Variants in ANO1 observed in about 807,000 individuals in gnomAD.
ANO1 encodes anoctamin 1.
In ANO1, 59 loss-of-function variants were observed where a neutral mutation model predicts 124.0. The ratio of observed to expected loss-of-function variants is 0.48; its 90% CI spans 0.39 to 0.59. The LOEUF (loss-of-function observed/expected upper bound fraction) is 0.59, where lower values mean the gene tolerates loss of function less well. Among genes scored for constraint, ANO1 ranks in the 20% least tolerant of loss-of-function variants. The probability of loss-of-function intolerance (pLI) is 0.00; values close to 1 mark genes in which losing one functional copy is unlikely to be tolerated. For synonymous variants in ANO1, 529 were observed against 532.0 expected, an observed-to-expected ratio of 0.99 and a Z score of 0.08; for missense variants, 1,059 against 1,328.0, an observed-to-expected ratio of 0.80 and a Z score of 3.15.
intron 16 of ANO1, 111 bp downstream of exon 16, chr11:70,157,132 C>G: frequency 1.1e-6 from 1 of 936,572 alleles, no homozygotes; most frequent in Non-Finnish European, 1.6e-6. Context: ...TTTGGGAGGC[C>G]GAGGCGGGCA....
chr11:70,157,329 T>G (rs2047855903), intron 16 of ANO1, among the ~76,000 whole-genome samples: 1 of 140,226 alleles, frequency 7.1e-6, no homozygotes, highest in Non-Finnish European at 1.5e-5. Context: ...ATCACACCAC[T>G]GCACTCCAGC....
At position 70,088,066 on chromosome 11, in the gene ANO1, G is replaced by A. The variant is rs1266053488; in HGVS notation, c.423G>A (p.Glu141=). The change falls in exon 2 of 26, where the codon GAG becomes GAA. Residue 141 remains glutamate (E), a synonymous_variant. Coordinates refer to ENST00000355303, the MANE Select transcript of ANO1 (RefSeq NM_018043.7). ...GCAACCTCCTGGAGGCGGGCCTGGA[G>A]CTGGAGCGGGACGAGGACGTAACTA... is the stretch of plus-strand genomic sequence containing the variant. The part of the protein sequence containing the change: ...YEGNLLEAGL[E]LERDEDTKIH... The A allele has an allele frequency of 2.9e-6, 4 of 1,364,710 alleles. No homozygotes were observed. In the African/African-American group the frequency reaches 6.1e-5, roughly 21 times the overall value. The allele number at this position is 1,364,710 out of a possible 1,614,324, so 84.5% of individuals were successfully genotyped here.
intron 1 of ANO1, among the ~76,000 whole-genome samples, chr11:70,023,490 C>A (rs561573940): frequency 6.6e-6 from 1 of 152,282 alleles, no homozygotes; most frequent in African/African-American, 2.4e-5. Context: ...ATGTAGATGA[C>A]CATGGAGCAT....
Position 70,124,425 on chromosome 11 carries a change from G to C in ANO1, c.962+11G>C, listed in dbSNP as rs199549487. 1 of 1,613,252 alleles carries C rather than the reference G, an allele frequency of 6.2e-7. No homozygotes were observed. The highest frequency in any genetic ancestry group is 2.2e-5 in the East Asian group (1 of 44,886). ...CATCGACCTGGTCAGGTAAGAACGCGCCACAGCCTGCGGGAATCAAGTCCC... is the reference window on the plus strand; with the variant it reads ...CATCGACCTGGTCAGGTAAGAACGCCCCACAGCCTGCGGGAATCAAGTCCC... On this transcript the variant is annotated intron_variant, in intron 9 of 25. Coordinates refer to ENST00000355303, the MANE Select transcript of ANO1 (RefSeq NM_018043.7).
Position 70,078,733 on chromosome 11 carries a change from G to T in ANO1, c.108+19G>T. On this transcript the variant is annotated intron_variant, in intron 1 of 25. Coordinates refer to ENST00000355303, the MANE Select transcript of ANO1 (RefSeq NM_018043.7). Reference sequence around the variant, plus strand: ...GGGCACGGTGAGTGCGGGCGGCCGCGACCCGGGCGGGAGGGCCGCGCACCT... The same window carrying T: ...GGGCACGGTGAGTGCGGGCGGCCGCTACCCGGGCGGGAGGGCCGCGCACCT... 1 of 1,437,270 alleles carries T rather than the reference G, an allele frequency of 7.0e-7. No individual in the cohort carries two copies. The highest frequency in any genetic ancestry group is 1.3e-5 in the South Asian group (1 of 78,400). The allele number at this position is 1,437,270 out of a possible 1,614,324, so 89.0% of individuals were successfully genotyped here.
At chr11:70,038,021 T>G (rs1857122793) in intron 1 of ANO1, among the ~76,000 whole-genome samples, 1 of 152,196 alleles carries the variant, frequency 6.6e-6, no homozygotes, top group Non-Finnish European at 1.5e-5. Context: ...TCGCAGTGGC[T>G]CATGCCTGTA....
At chr11:70,157,358 C>T (rs1236605982) in intron 16 of ANO1, among the ~76,000 whole-genome samples, 3 of 121,680 alleles carry the variant, frequency 2.5e-5, no homozygotes, top group Admixed American at 1.9e-4. Flanking sequence ...CAGAGCAAGA[C>T]TCTGTCTCAA....
chr11:70,033,285 G>A (rs1555004016), intron 1 of ANO1, among the ~76,000 whole-genome samples: 1 of 152,190 alleles, frequency 6.6e-6, no homozygotes, highest in African/African-American at 2.4e-5. Context: ...AGAAGGCGCA[G>A]GTGGGACTGG....
intron 1 of ANO1, among the ~76,000 whole-genome samples, chr11:70,012,527 C>CATTGTTCCATCCATCCATCA (rs1555001286): frequency 6.6e-6 from 1 of 150,406 alleles, no homozygotes; most frequent in Admixed American, 6.6e-5. Context: ...TCCATCCATC[C>CATTGTTCCATCCATCCATCA]ATTGTTCCAT....
chr11:70,093,674 C>G (rs1020756527), intron 2 of ANO1, among the ~76,000 whole-genome samples: 5 of 152,254 alleles, frequency 3.3e-5, no homozygotes, highest in Non-Finnish European at 5.9e-5. Flanking sequence ...GTCTGTACCC[C>G]ACTGGCTCGC....
At chr11:69,985,034 C>G (rs1554996713), upstream of ANO1, among the ~76,000 whole-genome samples, 1 of 152,176 alleles carries the variant, frequency 6.6e-6, no homozygotes, top group African/African-American at 2.4e-5. Flanking sequence ...CCGTAGGGCC[C>G]ACATTGCTGC....
intron 23 of ANO1, among the ~76,000 whole-genome samples, chr11:70,182,173 A>G (rs2048952897): frequency 6.6e-6 from 1 of 152,174 alleles, no homozygotes; most frequent in Non-Finnish European, 1.5e-5. Context: ...TTTGACAAGA[A>G]GAAAATGGAG....
At chr11:70,073,426 A>C (rs2044010176), upstream of ANO1, among the ~76,000 whole-genome samples, 1 of 152,216 alleles carries the variant, frequency 6.6e-6, no homozygotes, top group African/African-American at 2.4e-5. Flanking sequence ...CGCGCGACTT[A>C]ACATTTGTAA....
chr11:70,141,937 G>A (rs1464564887), intron 11 of ANO1, among the ~76,000 whole-genome samples: 1 of 152,046 alleles, frequency 6.6e-6, no homozygotes, highest in African/African-American at 2.4e-5. Context: ...GGGTGTGGGG[G>A]TCCGTATTCA....
chr11:70,165,369 G>A (rs375656122), intron 19 of ANO1, 101 bp from the exon 20 acceptor site: 10 of 951,780 alleles, frequency 1.1e-5, no homozygotes, highest in African/African-American at 1.7e-5. Flanking sequence ...TTTTTTGGAG[G>A]ACGCAGGTCA....
intron 1 of ANO1, chr11:70,015,179 C>A (rs145165160): frequency 6.6e-6 from 1 of 152,024 alleles, no homozygotes; most frequent in Admixed American, 6.6e-5. Flanking sequence ...CCATTTTGGG[C>A]GTTTTCATGG....
intron 1 of ANO1, among the ~76,000 whole-genome samples, chr11:70,033,659 T>C (rs1222029560): frequency 6.6e-6 from 1 of 152,060 alleles, no homozygotes; most frequent in Non-Finnish European, 1.5e-5. Flanking sequence ...GGATGGGGGA[T>C]GCCTGCCTTC....
intron 14 of ANO1, 99 bp downstream of exon 14, chr11:70,153,227 T>C (rs1198245400): frequency 6.2e-6 from 7 of 1,123,176 alleles, no homozygotes; most frequent in Non-Finnish European, 9.1e-6. Context: ...TATTGTAGGC[T>C]GTGTAACCCC....
At chr11:70,046,009 T>G (rs1443071742) in intron 1 of ANO1, among the ~76,000 whole-genome samples, 1 of 152,162 alleles carries the variant, frequency 6.6e-6, no homozygotes, top group African/African-American at 2.4e-5. Flanking sequence ...ATGGTGGAGC[T>G]CAGTCCCCAG....
Sources: allele counts gnomAD v4.1 joint callset (sites outside exome capture counted in the v4.1 genomes callset), GRCh38; gene constraint gnomAD v4.1.1; transcripts MANE v1.5; gene names NCBI Gene and HGNC (gene_info 2026-07-23, HGNC 2026-07-21).